The following RASSF9 variants were observed in gnomAD, a reference collection of about 807,000 sequenced individuals.
RASSF9 encodes the protein ras association domain-containing protein 9.
RASSF9 carries 18 observed loss-of-function variants against 21.4 expected under a neutral mutation model. The ratio of observed to expected loss-of-function variants is 0.84; its 90% confidence interval spans 0.58 to 1.25. The LOEUF is 1.25. RASSF9 is among the 50% of genes most tolerant of loss of function. The pLI is 0.00. For synonymous variants in RASSF9, 183 were observed against 179.1 expected (o/e 1.02, Z -0.18); for missense variants, 480 against 503.2 (o/e 0.95, Z 0.44).
In RASSF9 at chr12:85,804,811, C is replaced by CT; in HGVS notation, c.1198dup (p.Arg400LysfsTer4). The stretch of plus-strand genomic sequence containing the variant: ...GTCATTTGTGTAATTGCTAAATACT[C>CT]TTTGAGTAAAGGGAGGAATCTCCCC... On this transcript the variant is annotated frameshift_variant, in exon 2 of 2. Coordinates refer to ENST00000361228, the MANE Select transcript of RASSF9 (RefSeq NM_005447.4). LOFTEE classifies it high-confidence loss of function. 1 of 1,613,468 alleles carries CT rather than the reference C, an allele frequency of 6.2e-7. No homozygotes were observed. Among genetic ancestry groups the CT allele is most frequent in the Non-Finnish European group, 8.5e-7 (1 of 1,179,412 alleles).
At position 85,801,603 on chromosome 12, in the gene RASSF9, G is replaced by C. The variant is rs906336943; in HGVS notation, c.*3099C>G. On this transcript the variant is annotated 3_prime_UTR_variant, in exon 2 of 2. Coordinates refer to ENST00000361228, the MANE Select transcript of RASSF9 (RefSeq NM_005447.4). ...CAAGACGGGTGGATCACAAGGTCAG[G>C]ACATCGAGACCATCCTGGCTAACAC... 8 of 152,318 alleles carry C rather than the reference G, an allele frequency of 5.3e-5. No individual in the cohort carries two copies. Among genetic ancestry groups the C allele is most frequent in the Non-Finnish European group, 1.0e-4 (7 of 68,158 alleles). The allele number at this position is 152,318 out of a possible 1,614,324, so 9.4% of individuals were successfully genotyped here.
At chr12:85,828,471 A>G (rs1429103227) in intron 1 of RASSF9, among the ~76,000 whole-genome samples, 2 of 152,146 alleles carry the variant, frequency 1.3e-5, no homozygotes, top group East Asian at 3.8e-4. Context: ...TGTATCACAT[A>G]AATATATATA....
Position 85,803,392 on chromosome 12 carries a change from C to T in RASSF9, c.*1310G>A, listed in dbSNP as rs59668915. 0.36 allele frequency: 54,255 copies of T among 151,752 alleles called. 10,311 individuals are homozygous for T. Among genetic ancestry groups the T allele is most frequent in the African/African-American group, 0.43 (17,975 of 41,394 alleles). 9.4% of individuals were successfully genotyped at this position (151,752 alleles called of 1,614,324 possible). ...TAAATAAAAATAAACTGCAGCAGTA[C>T]TCAGTTAACAGTACAATAAAAAATA... On this transcript the variant is annotated 3_prime_UTR_variant, in exon 2 of 2. Transcript: ENST00000361228.
Position 85,804,197 on chromosome 12 carries a change from T to C in RASSF9, c.*505A>G, listed in dbSNP as rs1879762034. The C allele has an allele frequency of 6.5e-6, 1 of 153,284 alleles. No individual in the cohort carries two copies. The highest frequency in any genetic ancestry group is 1.5e-5 in the Non-Finnish European group (1 of 68,836). 9.5% of individuals were successfully genotyped at this position (153,284 alleles called of 1,614,324 possible). A position where few individuals can be genotyped will look rare whatever the true frequency, so the allele number is the denominator to read the frequency against. Reference sequence around the variant, plus strand: ...TTCAGGAAGTGATATACATGATACGTTGTATTATCAAGGATCAATTAAAAG... The same window carrying C: ...TTCAGGAAGTGATATACATGATACGCTGTATTATCAAGGATCAATTAAAAG... On this transcript the variant is annotated 3_prime_UTR_variant, in exon 2 of 2. Coordinates refer to ENST00000361228, the MANE Select transcript of RASSF9 (RefSeq NM_005447.4).
At chr12:85,812,391 A>G (rs1050378685) in intron 1 of RASSF9, among the ~76,000 whole-genome samples, 1 of 151,356 alleles carries the variant, frequency 6.6e-6, no homozygotes, top group Non-Finnish European at 1.5e-5. Flanking sequence ...TTTGAAAATT[A>G]TTAATATATA....
At chr12:85,835,673 T>C (rs1347531574) in intron 1 of RASSF9, among the ~76,000 whole-genome samples, 1 of 152,216 alleles carries the variant, frequency 6.6e-6, no homozygotes, top group Non-Finnish European at 1.5e-5. Context: ...CAAAGCATTG[T>C]TTCTGAATTG....
intron 1 of RASSF9, among the ~76,000 whole-genome samples, chr12:85,830,066 T>C (rs1476331326): frequency 6.6e-6 from 1 of 152,158 alleles, no homozygotes. Context: ...AACATTCCTA[T>C]AACTGTGTTG....
intron 1 of RASSF9, among the ~76,000 whole-genome samples, chr12:85,817,018 A>G (rs1229373936): frequency 2.0e-5 from 3 of 152,136 alleles, no homozygotes; most frequent in Non-Finnish European, 4.4e-5. Flanking sequence ...ATAAGAAGAC[A>G]AGATATTATA....
rs114465469 is a variant in RASSF9, at chr12:85,816,558, G to A, written c.48-10596C>T. Among the ~76,000 whole-genome samples the A allele has an allele frequency of 5.1e-3, 783 of 152,064 alleles. 4 individuals carry two copies. The highest frequency in any genetic ancestry group is 0.018 in the African/African-American group (755 of 41,502). ...TATAATAATATAATCCTCAGTAGATGGAAGCTGATTTTACCCTAATATCAT... is the reference window on the plus strand; with the variant it reads ...TATAATAATATAATCCTCAGTAGATAGAAGCTGATTTTACCCTAATATCAT... On this transcript the variant is annotated intron_variant, in intron 1 of 1. Transcript: ENST00000361228.
At chr12:85,824,697 A>G (rs139816845) in intron 1 of RASSF9, among the ~76,000 whole-genome samples, 1 of 152,286 alleles carries the variant, frequency 6.6e-6, no homozygotes, top group East Asian at 1.9e-4. Flanking sequence ...AGCATTAATT[A>G]ATATACACAT....
At chr12:85,817,076 T>G (rs1000803243) in intron 1 of RASSF9, among the ~76,000 whole-genome samples, 1 of 152,162 alleles carries the variant, frequency 6.6e-6, no homozygotes, top group African/African-American at 2.4e-5. Context: ...GTGTAGAAAT[T>G]CATACTGCTT....
At chr12:85,825,541 C>T (rs1023712368) in intron 1 of RASSF9, among the ~76,000 whole-genome samples, 1 of 152,024 alleles carries the variant, frequency 6.6e-6, no homozygotes, top group Non-Finnish European at 1.5e-5. Flanking sequence ...TTATCTATAG[C>T]TGTTTTCATA....
intron 1 of RASSF9, among the ~76,000 whole-genome samples, chr12:85,814,435 G>A (rs553814733): frequency 3.4e-4 from 51 of 151,978 alleles, no homozygotes; most frequent in African/African-American, 1.2e-3. Context: ...TAATTATCTG[G>A]CCTGAAATGT....
rs547366323 is a variant in RASSF9, at chr12:85,833,176, G to C, written c.47+2979C>G. ...TTATGTGTCCATCTCTTTAGGTTTT[G>C]AATTATATTAAATATCAACTAACCC... On this transcript the variant is annotated intron_variant, in intron 1 of 1. Coordinates refer to ENST00000361228, the MANE Select transcript of RASSF9 (RefSeq NM_005447.4). Among the ~76,000 whole-genome samples, 6 of 151,832 alleles carry C rather than the reference G, an allele frequency of 4.0e-5. No individual in the cohort carries two copies. The South Asian group carries it at 1.2e-3, about 32-fold the overall frequency.
At chr12:85,832,252 A>G (rs948208025) in intron 1 of RASSF9, among the ~76,000 whole-genome samples, 6 of 151,848 alleles carry the variant, frequency 4.0e-5, no homozygotes, top group African/African-American at 9.7e-5. Context: ...CTAATTTCCT[A>G]TTTTGAAAAA....
At chr12:85,807,104 C>G (rs1402587226) in intron 1 of RASSF9, among the ~76,000 whole-genome samples, 1 of 152,088 alleles carries the variant, frequency 6.6e-6, no homozygotes, top group Non-Finnish European at 1.5e-5. Flanking sequence ...ACTTAAAGTG[C>G]TTAGGACAGT....
In RASSF9 at chr12:85,826,517, G is replaced by A. The variant is rs1413076154; in HGVS notation, c.47+9638C>T. Among the ~76,000 whole-genome samples the A allele has an allele frequency of 7.5e-5, 11 of 145,890 alleles. No individual in the cohort carries two copies. The East Asian group carries it at 2.0e-3, about 26-fold the overall frequency. On this transcript the variant is annotated intron_variant, in intron 1 of 1. Transcript: ENST00000361228. Reference sequence around the variant, plus strand: ...GGCTAGAGTGCAGTGGCACGATTTCGGTTCACTGCAAGCTCCGCCTCCCGG... The same window carrying A: ...GGCTAGAGTGCAGTGGCACGATTTCAGTTCACTGCAAGCTCCGCCTCCCGG...
chr12:85,824,751 A>G (rs1382216233), intron 1 of RASSF9, among the ~76,000 whole-genome samples: 2 of 152,150 alleles, frequency 1.3e-5, no homozygotes, highest in Non-Finnish European at 2.9e-5. Flanking sequence ...TGACAGATCT[A>G]CTATGAGAAC....
chr12:85,818,575 T>G (rs1880130224), intron 1 of RASSF9, among the ~76,000 whole-genome samples: 1 of 152,200 alleles, frequency 6.6e-6, no homozygotes, highest in Admixed American at 6.5e-5. Context: ...TATAGAAGCT[T>G]ATCTACAATG....
Sources: gnomAD v4.1 joint callset for allele counts (sites outside exome capture counted in the v4.1 genomes callset) on GRCh38, gnomAD v4.1.1 for gene constraint, MANE v1.5 for transcripts, NCBI Gene and HGNC (gene_info 2026-07-23, HGNC 2026-07-21) for gene names.